The following CR1 variants were observed in gnomAD, a reference collection of about 807,000 sequenced individuals.
CR1 encodes complement C3b/C4b receptor 1 (Knops blood group), also known as complement receptor type 1.
Under a neutral mutation model 187.3 loss-of-function variants are expected in CR1, and 116 were observed. That is an observed-to-expected ratio of 0.62 (90% CI 0.53 to 0.72). The LOEUF (loss-of-function observed/expected upper bound fraction) is 0.72, where lower values mean the gene tolerates loss of function less well. CR1 is among the 30% of genes least tolerant of loss of function. The pLI, the probability that CR1 is intolerant of heterozygous loss-of-function variation, is 0.00. For synonymous variants in CR1, 576 were observed against 747.1 expected (o/e 0.77, Z 3.73); for missense variants, 1,731 against 2,110.7 (o/e 0.82, Z 3.52).
At chr1:207,623,789 G>T (rs1427120420) in intron 45 of CR1, among the ~76,000 whole-genome samples, 3 of 151,798 alleles carry the variant, frequency 2.0e-5, no homozygotes, top group African/African-American at 7.3e-5. Context: ...AGCACTAGAA[G>T]TTAGATTGGG....
chr1:207,524,390 A>T (rs968746129), intron 5 of CR1, among the ~76,000 whole-genome samples: 10 of 151,932 alleles, frequency 6.6e-5, no homozygotes, highest in African/African-American at 2.2e-4. Context: ...GTTTGTCTGT[A>T]TTGTTTTGCT....
rs560497084 is a variant in CR1 at position 207,525,677 on chromosome 1, G to T, written c.887-1076G>T. On this transcript the variant is annotated intron_variant, in intron 5 of 46. Transcript: ENST00000367049. ...CAGCTATCAAGGAAGATGAACAATT[G>T]TAGTTTTAAGGCTTCCTTTGCTAGC... Among the ~76,000 whole-genome samples the T allele has an allele frequency of 2.4e-4, 36 of 152,106 alleles. 1 individual carries two copies. The highest frequency in any genetic ancestry group is 8.7e-4 in the African/African-American group (36 of 41,438).
chr1:207,503,457 T>C (rs1659335760), intron 1 of CR1, among the ~76,000 whole-genome samples: 1 of 152,218 alleles, frequency 6.6e-6, no homozygotes, highest in Non-Finnish European at 1.5e-5. Flanking sequence ...GCTGTGTTCC[T>C]TGTGGAGGCT....
rs775786887 is a variant in CR1 at position 207,565,878 on chromosome 1, G to A, written c.3907G>A (p.Ala1303Thr). 4 of 1,610,914 alleles carry A rather than the reference G, an allele frequency of 2.5e-6. No individual in the cohort carries two copies. The highest frequency in any genetic ancestry group is 3.4e-6 in the Non-Finnish European group (4 of 1,179,728). The change falls in exon 24 of 47, where the codon GCT (alanine) becomes ACT (threonine). Residue 1303 changes from alanine (A) to threonine (T), a missense_variant. Transcript: ENST00000367049. ...KGSSASYCVL[A>T]GMESLWNSSV... ...CAGCTCTGCTAGTTATTGTGTCTTG[G>A]CTGGAATGGAAAGCCTTTGGAATAG...
intron 32 of CR1, among the ~76,000 whole-genome samples, chr1:207,584,344 G>A (rs1167855478): frequency 1.3e-5 from 2 of 152,086 alleles, no homozygotes; most frequent in Non-Finnish European, 2.9e-5. Flanking sequence ...CCCCTTTAAT[G>A]TGACTGTGAA....
At chr1:207,621,876 TG>T (rs1222047954) in intron 43 of CR1, 96 bp from the exon 44 acceptor site, 15 of 979,046 alleles carry the variant, frequency 1.5e-5, no homozygotes, top group Non-Finnish European at 2.1e-5. Flanking sequence ...GACTGAGTCC[TG>T]AAGAAAAATC....
intron 39 of CR1, among the ~76,000 whole-genome samples, chr1:207,612,786 T>G (rs972044403): frequency 6.6e-6 from 1 of 152,224 alleles, no homozygotes; most frequent in African/African-American, 2.4e-5. Flanking sequence ...TGCACAGGAA[T>G]GGGCTCTGAG....
chr1:207,589,726 G>T (rs1450890997), intron 35 of CR1, among the ~76,000 whole-genome samples: 1 of 152,166 alleles, frequency 6.6e-6, no homozygotes, highest in Non-Finnish European at 1.5e-5. Context: ...TGAAAAACAG[G>T]TTAGAGGAAT....
intron 3 of CR1, 51 bp from the exon 4 acceptor site, chr1:207,511,518 G>T (rs1659616157): frequency 6.4e-7 from 1 of 1,550,752 alleles, no homozygotes; most frequent in South Asian, 1.1e-5. Flanking sequence ...ATTTAATTGG[G>T]TAGTTGACCT....
At chr1:207,575,206 C>T (rs978807754) in intron 27 of CR1, among the ~76,000 whole-genome samples, 24 of 72,176 alleles carry the variant, frequency 3.3e-4, no homozygotes, top group Non-Finnish European at 4.8e-4. Context: ...GTATTATACA[C>T]ACACACACAC....
At position 207,498,877 on chromosome 1, in the gene CR1, C is replaced by CAAAAAAAAAAAAA. The variant is rs56044498; in HGVS notation, c.121+2493_121+2505dup. On this transcript the variant is annotated intron_variant, in intron 1 of 46. Transcript: ENST00000367049. ...TGGGTGACAGAGCGCAACTCCAAAT[C>CAAAAAAAAAAAAA]AAAAAAAAAAAAAAAAGAAACAAAC... Among the ~76,000 whole-genome samples the CAAAAAAAAAAAAA allele has an allele frequency of 3.6e-3, 180 of 50,036 alleles. 4 individuals carry two copies. The highest frequency in any genetic ancestry group is 0.012 in the East Asian group (11 of 918). The allele number at this position is 50,036 out of a possible 152,430, so 32.8% of individuals were successfully genotyped here.
chr1:207,594,268 C>A (rs1055024861), intron 35 of CR1, among the ~76,000 whole-genome samples: 20 of 152,104 alleles, frequency 1.3e-4, no homozygotes, highest in African/African-American at 4.8e-4. Context: ...GAATACTATG[C>A]AGCCATAAAA....
At chr1:207,498,877 C>CA (rs56044498) in intron 1 of CR1, among the ~76,000 whole-genome samples, 1,608 of 50,090 alleles carry the variant, frequency 0.032, 134 homozygotes, top group African/African-American at 0.094. Context: ...AACTCCAAAT[C>CA]AAAAAAAAAA....
At chr1:207,625,043 G>GGTCAC (rs1247520572) in intron 45 of CR1, among the ~76,000 whole-genome samples, 1 of 151,984 alleles carries the variant, frequency 6.6e-6, no homozygotes, top group African/African-American at 2.4e-5. Context: ...TCAACTAGAG[G>GGTCAC]GTCACACTCC....
chr1:207,615,235 T>C (rs777716032), intron 40 of CR1, among the ~76,000 whole-genome samples: 34 of 152,112 alleles, frequency 2.2e-4, no homozygotes, highest in Non-Finnish European at 1.9e-4. Flanking sequence ...GAAAAAGCAA[T>C]GAATAGTGAA....
chr1:207,579,520 G>A (rs1334385374), intron 29 of CR1, among the ~76,000 whole-genome samples: 1 of 152,198 alleles, frequency 6.6e-6, no homozygotes, highest in African/African-American at 2.4e-5. Flanking sequence ...GAAAGCAATT[G>A]CTAGCTGCCC....
intron 33 of CR1, 100 bp downstream of exon 33, chr1:207,584,976 A>C: frequency 6.6e-7 from 1 of 1,526,264 alleles, no homozygotes; most frequent in Non-Finnish European, 8.9e-7. Context: ...TGTGAGCTTA[A>C]CTTTGTCATA....
chr1:207,604,615 G>A (rs1661694126), intron 35 of CR1, among the ~76,000 whole-genome samples: 2 of 152,156 alleles, frequency 1.3e-5, no homozygotes, highest in South Asian at 4.1e-4. Context: ...ACAAAAACTT[G>A]TATCTATTTC....
intron 19 of CR1, 162 bp downstream of exon 19, chr1:207,553,013 AG>A: frequency 8.5e-6 from 3 of 353,382 alleles, no homozygotes; most frequent in Non-Finnish European, 1.5e-5. Flanking sequence ...GGAGAAGATT[AG>A]GGGGAAAATC....
Sources: allele counts gnomAD v4.1 joint callset (sites outside exome capture counted in the v4.1 genomes callset), GRCh38; gene constraint gnomAD v4.1.1; transcripts MANE v1.5; gene names NCBI Gene and HGNC (gene_info 2026-07-23, HGNC 2026-07-21).